MAP3K2: variants seen among roughly 807,000 people sequenced by gnomAD.
MAP3K2 encodes MAP/ERK kinase kinase 2.
MAP3K2 carries 24 observed loss-of-function variants against 80.3 expected under a neutral mutation model. The observed-to-expected ratio is 0.30, with a 90% CI of 0.22 to 0.42. The LOEUF is 0.42. Among genes scored for constraint, MAP3K2 ranks in the 10% least tolerant of loss-of-function variants. The pLI is 1.00. For missense variants in MAP3K2, 608 were observed against 750.1 expected, an observed-to-expected ratio of 0.81 and a Z score of 2.21; for synonymous variants, 244 against 253.7, an observed-to-expected ratio of 0.96 and a Z score of 0.36.
chr2:127,325,638 C>G (rs1380778339), intron 9 of MAP3K2, 90 bp downstream of exon 9: 1 of 967,156 alleles, frequency 1.0e-6, no homozygotes, highest in East Asian at 2.4e-5. Context: ...CAGTAAGCCG[C>G]ATTCACGCCA....
chr2:127,302,524 T>A lies in MAP3K2; in HGVS notation c.*5055A>T, dbSNP rs1685618119. The A allele has an allele frequency of 6.6e-6, 1 of 152,128 alleles. No individual in the cohort carries two copies. 9.4% of individuals were successfully genotyped at this position (152,128 alleles called of 1,614,324 possible). ...ACACTTCACAGAAAAGTAACTTTTC[T>A]GTGAGTATTACCCAAAATGTTAGCT... On this transcript the variant is annotated 3_prime_UTR_variant, in exon 17 of 17. Transcript: ENST00000682094.
In MAP3K2 at chr2:127,311,027, A is replaced by C. The variant is rs189130154; in HGVS notation, c.1457-2265T>G. 2.3e-3 allele frequency among the ~76,000 whole-genome samples: 354 copies of C among 152,224 alleles called. 1 individual carries two copies. Among genetic ancestry groups the C allele is most frequent in the African/African-American group, 7.7e-3 (321 of 41,528 alleles). Reference sequence around the variant, plus strand: ...CTAAGAAGGAGACTGAATAGTGGAGAAAAGCTACCTTACAGACTGGAGAGG... The same window carrying C: ...CTAAGAAGGAGACTGAATAGTGGAGCAAAGCTACCTTACAGACTGGAGAGG... On this transcript the variant is annotated intron_variant, in intron 15 of 16. Coordinates refer to ENST00000682094, the MANE Select transcript of MAP3K2 (RefSeq NM_001371910.2).
intron 1 of MAP3K2, among the ~76,000 whole-genome samples, chr2:127,384,869 G>A (rs1175774790): frequency 6.6e-6 from 1 of 151,834 alleles, no homozygotes; most frequent in East Asian, 1.9e-4. Context: ...ATTCCTTGGC[G>A]CAAGCAATCC....
chr2:127,330,299 G>C, intron 6 of MAP3K2, 93 bp downstream of exon 6: 1 of 620,706 alleles, frequency 1.6e-6, no homozygotes, highest in Non-Finnish European at 2.8e-6. Flanking sequence ...TGAAAATATT[G>C]CAATGATTAT....
At chr2:127,349,357 C>T (rs530814533) in intron 1 of MAP3K2, among the ~76,000 whole-genome samples, 2 of 151,868 alleles carry the variant, frequency 1.3e-5, no homozygotes, top group African/African-American at 2.4e-5. Flanking sequence ...TTTTATATGG[C>T]GTCTCACTGT....
At chr2:127,348,194 T>C (rs528403397) in intron 1 of MAP3K2, among the ~76,000 whole-genome samples, 6 of 152,098 alleles carry the variant, frequency 3.9e-5, no homozygotes, top group African/African-American at 1.4e-4. Context: ...TTGAGACCAG[T>C]CTGTCCAATG....
intron 5 of MAP3K2, 133 bp from the exon 6 acceptor site, chr2:127,330,638 T>A: frequency 1.9e-6 from 1 of 513,842 alleles, no homozygotes; most frequent in Non-Finnish European, 3.5e-6. Context: ...AAAGTCTGAA[T>A]GTGTATGTGT....
chr2:127,317,494 C>G, intron 14 of MAP3K2, 135 bp downstream of exon 14: 3 of 636,408 alleles, frequency 4.7e-6, no homozygotes, highest in Non-Finnish European at 7.5e-6. Context: ...AAATACTACT[C>G]AGCTCTAATT....
At chr2:127,385,879 C>G (rs896735975) in intron 1 of MAP3K2, among the ~76,000 whole-genome samples, 1 of 152,182 alleles carries the variant, frequency 6.6e-6, no homozygotes, top group Non-Finnish European at 1.5e-5. Context: ...TTATAAGACT[C>G]AGTCTCTAAT....
intron 1 of MAP3K2, among the ~76,000 whole-genome samples, chr2:127,353,556 C>T (rs1686739863): frequency 2.1e-5 from 1 of 48,414 alleles, no homozygotes; most frequent in Admixed American, 2.0e-4. Context: ...CTGCCCCGTC[C>T]GGGAGGGAGG....
At chr2:127,334,158 G>A (rs1040437977) in intron 5 of MAP3K2, among the ~76,000 whole-genome samples, 13 of 151,058 alleles carry the variant, frequency 8.6e-5, no homozygotes, top group African/African-American at 3.2e-4. Context: ...GAAAACCCCA[G>A]AAAAAAATTA....
rs56300936 is a variant in MAP3K2 at position 127,342,388 on chromosome 2, G to GGTGTGTGTGTGTGTGTGT, written c.4+720_4+737dup. The stretch of plus-strand genomic sequence containing the variant: ...TGGGCAAATATAAGTTCTTCATGAG[G>GGTGTGTGTGTGTGTGTGT]GTGTGTGTGTGTGTGTGTGTGTGTG... On this transcript the variant is annotated intron_variant, in intron 2 of 16. Transcript: ENST00000682094. Among the ~76,000 whole-genome samples, 135 of 147,860 alleles carry GGTGTGTGTGTGTGTGTGT rather than the reference G, an allele frequency of 9.1e-4. 1 individual carries two copies. The highest frequency in any genetic ancestry group is 2.7e-3 in the African/African-American group (107 of 39,760).
Position 127,387,898 on chromosome 2 carries a change from C to T in MAP3K2, c.-512G>A, listed in dbSNP as rs1687402386. ...GCCGTGCAACCCCCGAACGCTGCGC[C>T]CAGCGGCCGCGGCACCCTCGTCAGG... is the stretch of plus-strand genomic sequence containing the variant. On this transcript the variant is annotated 5_prime_UTR_variant, in exon 1 of 17. Transcript: ENST00000682094. 1 of 982,024 alleles carries T rather than the reference C, an allele frequency of 1.0e-6. No homozygotes were observed. Among genetic ancestry groups the T allele is most frequent in the African/African-American group, 1.8e-5 (1 of 57,102 alleles). 60.8% of individuals were successfully genotyped at this position (982,024 alleles called of 1,614,324 possible).
At chr2:127,330,110 C>A in intron 6 of MAP3K2, 102 bp from the exon 7 acceptor site, 1 of 706,202 alleles carries the variant, frequency 1.4e-6, no homozygotes, top group Non-Finnish European at 2.4e-6. Context: ...TGTTTGTGAG[C>A]CTTAATCAAA....
At chr2:127,325,538 C>T (rs542814735) in intron 9 of MAP3K2, among the ~76,000 whole-genome samples, 190 bp downstream of exon 9, 1 of 152,118 alleles carries the variant, frequency 6.6e-6, no homozygotes, top group South Asian at 2.1e-4. Context: ...ACAAAATAGC[C>T]AGATGTGGTA....
At chr2:127,344,544 C>G (rs1485528251) in intron 1 of MAP3K2, among the ~76,000 whole-genome samples, 3 of 151,152 alleles carry the variant, frequency 2.0e-5, no homozygotes, top group Non-Finnish European at 4.4e-5. Context: ...GTGGTGCATG[C>G]CTGTAGTCCC....
chr2:127,368,070 C>G (rs1218047449), intron 1 of MAP3K2, among the ~76,000 whole-genome samples: 1 of 152,166 alleles, frequency 6.6e-6, no homozygotes, highest in Non-Finnish European at 1.5e-5. Flanking sequence ...GCCTGTAATC[C>G]CAGCACTCTG....
At chr2:127,361,373 A>C (rs556473051) in intron 1 of MAP3K2, among the ~76,000 whole-genome samples, 2 of 152,044 alleles carry the variant, frequency 1.3e-5, no homozygotes, top group Admixed American at 1.3e-4. Flanking sequence ...CAACATTTTA[A>C]GTAATAATAT....
rs998547067 is a variant in MAP3K2, at chr2:127,321,729, A to T, written c.1045+317T>A. Among the ~76,000 whole-genome samples the T allele has an allele frequency of 4.6e-5, 7 of 152,176 alleles. No individual in the cohort carries two copies. Among genetic ancestry groups the T allele is most frequent in the African/African-American group, 1.7e-4 (7 of 41,434 alleles). ...TATTTCTCCATGTATCATCTATCCC[A>T]TTAGATTATGTCTTGGAGATTATGT... On this transcript the variant is annotated intron_variant, in intron 12 of 16. Transcript: ENST00000682094. This position sits in a 1 kb window ranked among gnomAD's most constrained non-coding sequence, Gnocchi z 4.4.
Sources: allele counts gnomAD v4.1 joint callset (sites outside exome capture counted in the v4.1 genomes callset), GRCh38; gene constraint gnomAD v4.1.1; non-coding constraint Gnocchi (gnomAD v3.1); transcripts MANE v1.5; gene names NCBI Gene and HGNC (gene_info 2026-07-23, HGNC 2026-07-21).